The following OTUD7A variants were observed in gnomAD, a reference collection of about 807,000 sequenced individuals.
The protein encoded by OTUD7A is OTU domain-containing protein 7A.
OTUD7A carries 12 observed loss-of-function variants against 65.7 expected under a neutral mutation model. The observed-to-expected ratio is 0.18, with a 90% CI of 0.12 to 0.30. OTUD7A has a LOEUF of 0.30. Ranked by LOEUF, OTUD7A falls within the 10% of genes least tolerant of loss-of-function variation. OTUD7A has a pLI of 1.00. For synonymous variants in OTUD7A, 641 were observed against 586.3 expected, an observed-to-expected ratio of 1.09 and a Z score of -1.35; for missense variants, 1,148 against 1,304.8, an observed-to-expected ratio of 0.88 and a Z score of 1.85.
chr15:31,866,801 G>GA (rs1897887727), intron 1 of OTUD7A, among the ~76,000 whole-genome samples: 1 of 152,190 alleles, frequency 6.6e-6, no homozygotes, highest in Non-Finnish European at 1.5e-5. Flanking sequence ...CAATCAAGGT[G>GA]AAGAGCCTGA....
chr15:31,756,742 G>A (rs1049859527), intron 1 of OTUD7A, among the ~76,000 whole-genome samples: 3 of 151,768 alleles, frequency 2.0e-5, no homozygotes, highest in African/African-American at 7.3e-5. Context: ...GATAGCCTAT[G>A]CAAGATAAAT....
chr15:31,509,865 C>T (rs997717629), intron 8 of OTUD7A, among the ~76,000 whole-genome samples: 1 of 150,512 alleles, frequency 6.6e-6, no homozygotes, highest in Admixed American at 6.6e-5. Context: ...CTAATTTTAC[C>T]GTGTCTTTCT....
intron 1 of OTUD7A, among the ~76,000 whole-genome samples, chr15:31,722,744 C>T (rs1166384426): frequency 6.6e-6 from 1 of 152,244 alleles, no homozygotes; most frequent in Middle Eastern, 3.2e-3. Context: ...TGAAAGGTCC[C>T]TAGCACAGTG....
At chr15:31,485,950 GA>G (rs1277824659) in intron 12 of OTUD7A, among the ~76,000 whole-genome samples, 2 of 152,188 alleles carry the variant, frequency 1.3e-5, no homozygotes, top group Non-Finnish European at 2.9e-5. Flanking sequence ...AGGAAGGTGT[GA>G]AGTGTCTCAG....
intron 1 of OTUD7A, among the ~76,000 whole-genome samples, chr15:31,708,927 C>T (rs1166554100): frequency 6.6e-6 from 1 of 151,466 alleles, no homozygotes; most frequent in Non-Finnish European, 1.5e-5. Context: ...CCCAAGGCCC[C>T]AGTGGAGGGG....
chr15:31,724,545 A>G lies in OTUD7A; in HGVS notation c.-99-67468T>C, dbSNP rs375242379. ...CACAATATGCCTCTGATGCAATCCTAAGGAGATAGGAATGGGTGATAGAAG... is the reference window on the plus strand; with the variant it reads ...CACAATATGCCTCTGATGCAATCCTGAGGAGATAGGAATGGGTGATAGAAG... On this transcript the variant is annotated intron_variant, in intron 1 of 12. Transcript: ENST00000307050. Among the ~76,000 whole-genome samples, 49 of 152,288 alleles carry G rather than the reference A, an allele frequency of 3.2e-4. No homozygotes were observed. In the South Asian group the frequency reaches 9.3e-3, roughly 29 times the overall value.
chr15:31,487,356 C>G lies in OTUD7A; in HGVS notation c.1287-78G>C. ...CCCAGTCCACTTGCATGCCAGCTGT[C>G]CCAGGAGGAGCAGGGGTGGTACATT... On this transcript the variant is annotated intron_variant, in intron 11 of 12. Transcript: ENST00000307050. The surrounding 1 kb of genome is among the most constrained non-coding windows in gnomAD (Gnocchi z 6.0). The G allele has an allele frequency of 6.3e-7, 1 of 1,583,228 alleles. No homozygotes were observed.
chr15:31,747,299 C>A (rs1228500778), intron 1 of OTUD7A, among the ~76,000 whole-genome samples: 1 of 152,104 alleles, frequency 6.6e-6, no homozygotes, highest in Non-Finnish European at 1.5e-5. Flanking sequence ...ATGAGCACAT[C>A]CAGCACCCAA....
chr15:31,506,734 T>A (rs749144088), intron 8 of OTUD7A, among the ~76,000 whole-genome samples: 1 of 152,208 alleles, frequency 6.6e-6, no homozygotes, highest in Admixed American at 6.5e-5. Context: ...ATTTTTTTCT[T>A]GCCATGAGAG....
chr15:31,596,660 T>C (rs890065546), intron 3 of OTUD7A, among the ~76,000 whole-genome samples: 1 of 151,554 alleles, frequency 6.6e-6, no homozygotes, highest in African/African-American at 2.4e-5. Context: ...GCATTCTTAA[T>C]TTTTTTTTGT....
chr15:31,774,739 T>C (rs1186857260), intron 1 of OTUD7A, among the ~76,000 whole-genome samples: 2 of 152,198 alleles, frequency 1.3e-5, no homozygotes, highest in African/African-American at 4.8e-5. Context: ...GTCTGGGAAA[T>C]ACTATCAGCC....
intron 3 of OTUD7A, among the ~76,000 whole-genome samples, chr15:31,600,985 A>T (rs1890056315): frequency 6.6e-6 from 1 of 152,130 alleles, no homozygotes; most frequent in African/African-American, 2.4e-5. Context: ...CTACAAAGAG[A>T]CTCAGACTCC....
intron 5 of OTUD7A, among the ~76,000 whole-genome samples, chr15:31,540,574 T>A (rs1887956309): frequency 6.6e-6 from 1 of 152,208 alleles, no homozygotes; most frequent in Non-Finnish European, 1.5e-5. Context: ...AAAATGGAGA[T>A]AATAATAGTC....
At chr15:31,745,927 T>C (rs1330137152) in intron 1 of OTUD7A, among the ~76,000 whole-genome samples, 1 of 152,060 alleles carries the variant, frequency 6.6e-6, no homozygotes, top group Non-Finnish European at 1.5e-5. Flanking sequence ...CAACAGTAGA[T>C]GAAAAAGTGC....
At chr15:31,846,588 A>G (rs1897298040) in intron 1 of OTUD7A, among the ~76,000 whole-genome samples, 1 of 152,104 alleles carries the variant, frequency 6.6e-6, no homozygotes, top group Admixed American at 6.5e-5. Flanking sequence ...CTCAACCTGG[A>G]GCACCTCCGC....
At chr15:31,667,194 T>G (rs914121879) in intron 1 of OTUD7A, among the ~76,000 whole-genome samples, 3 of 152,056 alleles carry the variant, frequency 2.0e-5, no homozygotes, top group African/African-American at 7.3e-5. Context: ...ACTTTCTATC[T>G]TGATGACCTG....
chr15:31,865,596 GGT>G (rs1428282916), intron 1 of OTUD7A, among the ~76,000 whole-genome samples: 2 of 152,186 alleles, frequency 1.3e-5, no homozygotes, highest in African/African-American at 4.8e-5. Flanking sequence ...TTTGAAGATG[GGT>G]GTGTTAGCCC....
intron 3 of OTUD7A, among the ~76,000 whole-genome samples, chr15:31,628,701 G>A (rs1205300220): frequency 1.3e-5 from 2 of 151,992 alleles, no homozygotes; most frequent in Admixed American, 6.6e-5. Context: ...CCATTTTCAC[G>A]ATATTGATTC....
intron 1 of OTUD7A, among the ~76,000 whole-genome samples, chr15:31,666,113 G>C (rs1350078610): frequency 6.6e-6 from 1 of 151,970 alleles, no homozygotes; most frequent in Non-Finnish European, 1.5e-5. Context: ...TCAGTCTGTA[G>C]TTTTCTTTTT....
Sources: allele counts gnomAD v4.1 joint callset (sites outside exome capture counted in the v4.1 genomes callset), GRCh38; gene constraint gnomAD v4.1.1; non-coding constraint Gnocchi (gnomAD v3.1); transcripts MANE v1.5; gene names NCBI Gene and HGNC (gene_info 2026-07-23, HGNC 2026-07-21).